The following CEP70 variants were observed in gnomAD, a reference collection of about 807,000 sequenced individuals.
The protein encoded by CEP70 is centrosomal protein 70.
A neutral mutation model predicts 90.9 loss-of-function variants in CEP70; 70 were observed. The ratio of observed to expected loss-of-function variants is 0.77; its 90% CI spans 0.64 to 0.94. The LOEUF is 0.94. Ranked by LOEUF, CEP70 falls within the 40% of genes least tolerant of loss-of-function variation. The probability of loss-of-function intolerance (pLI) is 0.00; values close to 1 mark genes in which losing one functional copy is unlikely to be tolerated. For synonymous variants in CEP70, 220 were observed against 228.3 expected, an observed-to-expected ratio of 0.96 and a Z score of 0.33; for missense variants, 648 against 669.0, an observed-to-expected ratio of 0.97 and a Z score of 0.35.
intron 6 of CEP70, among the ~76,000 whole-genome samples, chr3:138,560,209 G>C (rs2040301190): frequency 6.6e-6 from 1 of 152,156 alleles, no homozygotes. Flanking sequence ...AGCCCACAGA[G>C]GGCAAACCGA....
At chr3:138,499,372 T>G (rs1413000038) in intron 16 of CEP70, among the ~76,000 whole-genome samples, 1 of 152,234 alleles carries the variant, frequency 6.6e-6, no homozygotes, top group East Asian at 1.9e-4. Context: ...AACATTTATC[T>G]TCTAATCAAA....
chr3:138,545,746 C>T (rs886211833), intron 6 of CEP70, among the ~76,000 whole-genome samples: 12 of 149,746 alleles, frequency 8.0e-5, no homozygotes, highest in African/African-American at 2.2e-4. Context: ...GGTCTATAAA[C>T]GGCCGCTCTG....
At chr3:138,574,709 A>G (rs571152273) in intron 2 of CEP70, among the ~76,000 whole-genome samples, 1 of 152,244 alleles carries the variant, frequency 6.6e-6, no homozygotes, top group South Asian at 2.1e-4. Context: ...CTGACACCTC[A>G]TACAGCCAGG....
chr3:138,581,856 C>G (rs1057485862), intron 2 of CEP70, among the ~76,000 whole-genome samples: 2 of 151,662 alleles, frequency 1.3e-5, no homozygotes, highest in Non-Finnish European at 2.9e-5. Flanking sequence ...GAGACTACCT[C>G]AAGGCATTAA....
chr3:138,511,169 C>G (rs1324929479), intron 11 of CEP70, among the ~76,000 whole-genome samples: 1 of 152,164 alleles, frequency 6.6e-6, no homozygotes, highest in African/African-American at 2.4e-5. Flanking sequence ...CCGTGCCCCC[C>G]CAGTCCTAAC....
At chr3:138,519,478 C>G (rs1048853478) in intron 11 of CEP70, among the ~76,000 whole-genome samples, 2 of 152,178 alleles carry the variant, frequency 1.3e-5, no homozygotes, top group Admixed American at 6.5e-5. Context: ...ACTAACAGCT[C>G]ATCTCTCAGC....
intron 17 of CEP70, chr3:138,497,292 A>G: frequency 7.9e-7 from 1 of 1,269,468 alleles, no homozygotes; most frequent in South Asian, 1.3e-5. Flanking sequence ...TTTTCATACC[A>G]AGCTTCATCT....
intron 2 of CEP70, among the ~76,000 whole-genome samples, chr3:138,588,052 A>T (rs1489178171): frequency 6.6e-6 from 1 of 152,208 alleles, no homozygotes; most frequent in East Asian, 1.9e-4. Flanking sequence ...ATGTACAAAA[A>T]AAAGAGAAAG....
At chr3:138,544,360 A>G (rs1424995132) in intron 6 of CEP70, among the ~76,000 whole-genome samples, 1 of 149,844 alleles carries the variant, frequency 6.7e-6, no homozygotes, top group East Asian at 1.9e-4. Context: ...CAAAAGACAA[A>G]AAAAAAAAAA....
rs900888950 is a variant in CEP70 at position 138,495,628 on chromosome 3, G to A, written c.1733-552C>T. 6.6e-5 allele frequency among the ~76,000 whole-genome samples: 10 copies of A among 152,178 alleles called. 1 individual carries two copies. In the East Asian group the frequency reaches 1.9e-3, roughly 29 times the overall value. ...GCACTTTGGGAGGCCGAGACGGGAA[G>A]ATCATCTGAGGTCAGGAGTTTAAGA... On this transcript the variant is annotated intron_variant, in intron 17 of 17. Coordinates refer to ENST00000264982, the MANE Select transcript of CEP70 (RefSeq NM_024491.4).
At chr3:138,516,564 T>C (rs1407525648) in intron 11 of CEP70, among the ~76,000 whole-genome samples, 1 of 152,142 alleles carries the variant, frequency 6.6e-6, no homozygotes, top group Admixed American at 6.5e-5. Context: ...TTTTAAATTC[T>C]TTGTAGAGAC....
Position 138,524,775 on chromosome 3 carries a change from A to G in CEP70, c.944+715T>C, listed in dbSNP as rs6768693. 4.7e-3 allele frequency among the ~76,000 whole-genome samples: 719 copies of G among 152,302 alleles called. 4 individuals are homozygous for G. The highest frequency in any genetic ancestry group is 0.017 in the African/African-American group (693 of 41,564). On this transcript the variant is annotated intron_variant, in intron 11 of 17. Coordinates refer to ENST00000264982, the MANE Select transcript of CEP70 (RefSeq NM_024491.4). ...AAAGTCAGGAAACAACAGGTGCTGGAGAGGATGTGGAGAAATAGGAACACT... is the reference window on the plus strand; with the variant it reads ...AAAGTCAGGAAACAACAGGTGCTGGGGAGGATGTGGAGAAATAGGAACACT...
At chr3:138,589,807 C>T (rs144489375) in intron 2 of CEP70, among the ~76,000 whole-genome samples, 22 of 152,100 alleles carry the variant, frequency 1.4e-4, no homozygotes, top group East Asian at 3.9e-4. Context: ...AAGAAATTCA[C>T]GGAAAAGAAG....
Position 138,525,573 on chromosome 3 carries a change from A to G in CEP70, c.870-9T>C. On this transcript the variant is annotated splice_polypyrimidine_tract_variant and intron_variant, in intron 10 of 17. Coordinates refer to ENST00000264982, the MANE Select transcript of CEP70 (RefSeq NM_024491.4). ...ATTCATGCTGCGTAGGCCTGTGGAA[A>G]ATAAATAATGATAAATTAATTCAAT... 1.6e-6 allele frequency: 2 copies of G among 1,268,774 alleles called. No individual in the cohort carries two copies. Among genetic ancestry groups the G allele is most frequent in the Non-Finnish European group, 2.1e-6 (2 of 958,928 alleles). The allele number at this position is 1,268,774 out of a possible 1,614,324, so 78.6% of individuals were successfully genotyped here. A position where few individuals can be genotyped will look rare whatever the true frequency, so the allele number is the denominator to read the frequency against.
intron 8 of CEP70, chr3:138,530,815 G>C: frequency 1.0e-6 from 1 of 984,708 alleles, no homozygotes; most frequent in Non-Finnish European, 1.2e-6. Flanking sequence ...TATCCTATTT[G>C]TAGATCTCAA....
intron 17 of CEP70, 148 bp downstream of exon 17, chr3:138,497,879 TCTAA>T: frequency 6.8e-7 from 1 of 1,479,938 alleles, no homozygotes; most frequent in East Asian, 2.6e-5. Flanking sequence ...CCAAACAAAC[TCTAA>T]CTGCTTGTAA....
At chr3:138,524,664 T>C (rs2037026932) in intron 11 of CEP70, among the ~76,000 whole-genome samples, 1 of 152,070 alleles carries the variant, frequency 6.6e-6, no homozygotes, top group Non-Finnish European at 1.5e-5. Context: ...CGTGAAAAAA[T>C]GCTCATCATC....
chr3:138,527,068 T>C (rs2037326556), intron 10 of CEP70, among the ~76,000 whole-genome samples: 1 of 152,180 alleles, frequency 6.6e-6, no homozygotes. Context: ...AAATATAAAC[T>C]AACGTATAAT....
At chr3:138,532,075 A>C (rs757140655) in intron 8 of CEP70, among the ~76,000 whole-genome samples, 10 of 152,248 alleles carry the variant, frequency 6.6e-5, no homozygotes, top group Non-Finnish European at 1.0e-4. Flanking sequence ...TCAGGTGATA[A>C]GTGTGTTTTA....
Sources: allele counts gnomAD v4.1 joint callset (sites outside exome capture counted in the v4.1 genomes callset), GRCh38; gene constraint gnomAD v4.1.1; transcripts MANE v1.5; gene names NCBI Gene and HGNC (gene_info 2026-07-23, HGNC 2026-07-21).